The following LRRTM4 variants were observed in gnomAD, a reference collection of about 807,000 sequenced individuals.
The protein encoded by LRRTM4 is leucine rich repeat transmembrane neuronal 4, also known as leucine-rich repeat transmembrane neuronal protein 4.
LRRTM4 carries 25 observed loss-of-function variants against 47.6 expected under a neutral mutation model. The ratio of observed to expected loss-of-function variants is 0.53; its 90% CI spans 0.38 to 0.73. The LOEUF (loss-of-function observed/expected upper bound fraction) is 0.73, where lower values mean the gene tolerates loss of function less well. Among genes scored for constraint, LRRTM4 ranks in the 30% least tolerant of loss-of-function variants. The pLI, the probability that LRRTM4 is intolerant of heterozygous loss-of-function variation, is 0.00. For missense variants in LRRTM4, 638 were observed against 713.4 expected (o/e 0.89, Z 1.20); for synonymous variants, 311 against 269.5 (o/e 1.15, Z -1.51).
intron 3 of LRRTM4, among the ~76,000 whole-genome samples, chr2:76,964,164 G>T (rs1000362030): frequency 8.6e-5 from 13 of 150,958 alleles, no homozygotes; most frequent in Non-Finnish European, 1.5e-4. Context: ...GTTTGTAGCT[G>T]TGACCCTAAT....
intron 3 of LRRTM4, among the ~76,000 whole-genome samples, chr2:77,256,377 A>T (rs1243142912): frequency 6.6e-6 from 1 of 152,172 alleles, no homozygotes; most frequent in African/African-American, 2.4e-5. Context: ...CTCATCTAAA[A>T]AAACAGAAGA....
At chr2:77,430,980 C>A (rs755537497) in intron 3 of LRRTM4, among the ~76,000 whole-genome samples, 4 of 148,670 alleles carry the variant, frequency 2.7e-5, no homozygotes, top group East Asian at 1.9e-4. Flanking sequence ...TTTCTCCAGC[C>A]ATTGGACATC....
chr2:76,960,705 T>C (rs753426949), intron 3 of LRRTM4, among the ~76,000 whole-genome samples: 1 of 151,608 alleles, frequency 6.6e-6, no homozygotes, highest in Non-Finnish European at 1.5e-5. Flanking sequence ...CGTTAAGTTT[T>C]GAACCTTATT....
chr2:76,849,887 A>G (rs2103967963), intron 3 of LRRTM4, among the ~76,000 whole-genome samples: 1 of 152,264 alleles, frequency 6.6e-6, no homozygotes, highest in East Asian at 1.9e-4. Context: ...ACTGATGTAT[A>G]ATTGTATTAC....
chr2:77,366,536 C>T (rs1228357947), intron 3 of LRRTM4, among the ~76,000 whole-genome samples: 2 of 151,874 alleles, frequency 1.3e-5, no homozygotes, highest in Non-Finnish European at 1.5e-5. Flanking sequence ...GCCCAGACTA[C>T]TCCTAAAAGC....
At chr2:76,930,696 G>T (rs562082534) in intron 3 of LRRTM4, among the ~76,000 whole-genome samples, 51 of 152,200 alleles carry the variant, frequency 3.4e-4, no homozygotes, top group Middle Eastern at 3.4e-3. Flanking sequence ...GAATCAGAGG[G>T]CCAGAGTTAG....
intron 3 of LRRTM4, among the ~76,000 whole-genome samples, chr2:77,034,191 A>G (rs1056786089): frequency 6.6e-6 from 1 of 151,834 alleles, no homozygotes; most frequent in Non-Finnish European, 1.5e-5. Context: ...AAATTGTTTA[A>G]TTTTAATAAA....
At chr2:76,785,952 A>C (rs770276526) in intron 3 of LRRTM4, among the ~76,000 whole-genome samples, 2 of 152,158 alleles carry the variant, frequency 1.3e-5, no homozygotes, top group Non-Finnish European at 2.9e-5. Flanking sequence ...AGCAAAAGGT[A>C]ATCAATTGCA....
At chr2:77,016,612 C>T (rs185450976) in intron 3 of LRRTM4, among the ~76,000 whole-genome samples, 11 of 152,170 alleles carry the variant, frequency 7.2e-5, no homozygotes, top group East Asian at 5.8e-4. Flanking sequence ...TCTCTTCTCA[C>T]GCTAGGTACC....
chr2:76,814,890 A>G (rs917069393), intron 3 of LRRTM4, among the ~76,000 whole-genome samples: 1 of 152,088 alleles, frequency 6.6e-6, no homozygotes, highest in Non-Finnish European at 1.5e-5. Flanking sequence ...ATTAACTGCA[A>G]TAAACTGAAC....
At chr2:76,807,483 T>TAC (rs1461130796) in intron 3 of LRRTM4, among the ~76,000 whole-genome samples, 6 of 134,214 alleles carry the variant, frequency 4.5e-5, no homozygotes, top group Non-Finnish European at 7.7e-5. Flanking sequence ...TATATATATA[T>TAC]ATACATATAT....
chr2:76,993,052 G>C (rs1452242543), intron 3 of LRRTM4, among the ~76,000 whole-genome samples: 2 of 151,724 alleles, frequency 1.3e-5, no homozygotes, highest in Non-Finnish European at 2.9e-5. Flanking sequence ...ACTGGTGCTT[G>C]GATACCTGGC....
At chr2:77,266,397 T>G (rs543997476) in intron 3 of LRRTM4, among the ~76,000 whole-genome samples, 1 of 152,140 alleles carries the variant, frequency 6.6e-6, no homozygotes, top group Non-Finnish European at 1.5e-5. Flanking sequence ...TGAGATCATA[T>G]CCTTTCATTT....
At chr2:76,902,967 G>T (rs190405781) in intron 3 of LRRTM4, among the ~76,000 whole-genome samples, 1 of 151,884 alleles carries the variant, frequency 6.6e-6, no homozygotes, top group Admixed American at 6.6e-5. Context: ...CTAATAAATT[G>T]GGTGGGTCAA....
intron 3 of LRRTM4, among the ~76,000 whole-genome samples, chr2:76,776,068 C>T (rs1027501568): frequency 1.2e-4 from 19 of 152,116 alleles, no homozygotes; most frequent in Admixed American, 5.2e-4. Context: ...TCATCCATGT[C>T]CCTACAAAGG....
At chr2:77,389,005 GAA>G (rs1673396631) in intron 3 of LRRTM4, among the ~76,000 whole-genome samples, 1 of 151,952 alleles carries the variant, frequency 6.6e-6, no homozygotes, top group African/African-American at 2.4e-5. Context: ...TATGGATTCA[GAA>G]AGAGTTAGAT....
intron 3 of LRRTM4, among the ~76,000 whole-genome samples, chr2:76,876,406 G>A (rs1312618108): frequency 6.6e-6 from 1 of 152,086 alleles, no homozygotes; most frequent in East Asian, 1.9e-4. Context: ...CCTGGCAAAT[G>A]TGTTGCAATG....
intron 3 of LRRTM4, among the ~76,000 whole-genome samples, chr2:77,314,883 G>T (rs1392553872): frequency 6.6e-6 from 1 of 152,124 alleles, no homozygotes. Flanking sequence ...ACGAGCCAAA[G>T]CTTCCAGCTA....
At chr2:76,792,806 G>C (rs1323205724) in intron 3 of LRRTM4, among the ~76,000 whole-genome samples, 1 of 152,078 alleles carries the variant, frequency 6.6e-6, no homozygotes, top group African/African-American at 2.4e-5. Flanking sequence ...CTTGTATCTG[G>C]TTACTTCCTG....
Sources: allele counts gnomAD v4.1 joint callset (sites outside exome capture counted in the v4.1 genomes callset), GRCh38; gene constraint gnomAD v4.1.1; transcripts MANE v1.5; gene names NCBI Gene and HGNC (gene_info 2026-07-23, HGNC 2026-07-21).